POLR2B: variants seen among roughly 807,000 people sequenced by gnomAD.
POLR2B encodes RNA polymerase II subunit B.
POLR2B carries 57 observed loss-of-function variants against 144.6 expected under a neutral mutation model. The observed-to-expected ratio is 0.39, with a 90% CI of 0.32 to 0.49. The LOEUF (loss-of-function observed/expected upper bound fraction) is 0.49. Ranked by LOEUF, POLR2B falls within the 20% of genes least tolerant of loss-of-function variation. The probability of loss-of-function intolerance (pLI) is 0.83; values close to 1 mark genes in which losing one functional copy is unlikely to be tolerated. For synonymous variants in POLR2B, 442 were observed against 469.8 expected (o/e 0.94, Z 0.77); for missense variants, 595 against 1,467.4 (o/e 0.41, Z 9.71).
chr4:57,014,032 A>G (rs571733781), intron 13 of POLR2B, among the ~76,000 whole-genome samples: 23 of 151,940 alleles, frequency 1.5e-4, no homozygotes, highest in Non-Finnish European at 2.9e-4. Context: ...AAGGCAGTGC[A>G]TTTGAAAGAA....
At chr4:57,027,736 T>C (rs1367267595) in intron 23 of POLR2B, among the ~76,000 whole-genome samples, 1 of 152,260 alleles carries the variant, frequency 6.6e-6, no homozygotes, top group African/African-American at 2.4e-5. Flanking sequence ...CATTGGTTTG[T>C]CTTGTACTTC....
chr4:57,020,171 C>G lies in POLR2B; in HGVS notation c.2324-728C>G, dbSNP rs142777603. 4.2e-3 allele frequency among the ~76,000 whole-genome samples: 635 copies of G among 152,184 alleles called. 4 individuals carry two copies. The highest frequency in any genetic ancestry group is 6.0e-3 in the Non-Finnish European group (405 of 68,000). ...GTCTCAGCCTCCTGAGTAGCTGGGA[C>G]TGCAGGCGCGTGCCACCACGCCCAG... On this transcript the variant is annotated intron_variant, in intron 16 of 24. Transcript: ENST00000314595.
rs1723171966 is a variant in POLR2B at position 57,010,997 on chromosome 4, A to G, written c.1697A>G (p.Lys566Arg). ...TTGCTTTTTCATTGTAGTGCAACCA[A>G]GATTTTTGTTAATGGCTGCTGGGTT... ...ISPAAIADATKIFVNGCWVGI... is the reference protein window; with the variant it reads ...ISPAAIADATRIFVNGCWVGI... The change falls in exon 13 of 25, where the codon AAG (lysine) becomes AGG (arginine). Residue 566 changes from lysine to arginine, a missense_variant. By Grantham distance (26) the Lys-to-Arg change is conservative (BLOSUM62 2). Around this residue, in one of 9 missense-constraint regions of POLR2B, gnomAD observed 29 missense variants for 69.3 expected, o/e 0.42. Coordinates refer to ENST00000314595, the MANE Select transcript of POLR2B (RefSeq NM_000938.3). The G allele has an allele frequency of 6.2e-7, 1 of 1,613,824 alleles. No individual in the cohort carries two copies. Among genetic ancestry groups the G allele is most frequent in the Non-Finnish European group, 8.5e-7 (1 of 1,179,706 alleles).
intron 16 of POLR2B, among the ~76,000 whole-genome samples, chr4:57,020,236 G>C (rs1284157187): frequency 1.3e-5 from 2 of 152,070 alleles, no homozygotes; most frequent in African/African-American, 4.8e-5. Flanking sequence ...GTTTCACCAT[G>C]TTGGCCAGGA....
At chr4:57,005,188 C>T in intron 7 of POLR2B, 58 bp from the exon 8 acceptor site, 1 of 986,482 alleles carries the variant, frequency 1.0e-6, no homozygotes, top group Non-Finnish European at 1.4e-6. Context: ...TGACAGTTTA[C>T]TCATTTTAAG....
intron 10 of POLR2B, among the ~76,000 whole-genome samples, chr4:57,007,934 C>T (rs1434650144): frequency 6.6e-6 from 1 of 152,152 alleles, no homozygotes; most frequent in Non-Finnish European, 1.5e-5. Flanking sequence ...ATTTCAAGCT[C>T]CTTTTTCCTA....
At chr4:57,030,168 AAT>A in intron 23 of POLR2B, 34 bp from the exon 24 acceptor site, 2 of 1,533,628 alleles carry the variant, frequency 1.3e-6, no homozygotes, top group Non-Finnish European at 9.0e-7. Flanking sequence ...TATAATAAAA[AAT>A]AAGTACAAAG....
chr4:57,013,877 G>A (rs1723280242), intron 13 of POLR2B, among the ~76,000 whole-genome samples: 1 of 151,730 alleles, frequency 6.6e-6, no homozygotes, highest in African/African-American at 2.4e-5. Flanking sequence ...GCTGGCTGAG[G>A]TGGGAGGATC....
At chr4:56,987,137 A>C (rs1722360108) in intron 2 of POLR2B, among the ~76,000 whole-genome samples, 1 of 152,184 alleles carries the variant, frequency 6.6e-6, no homozygotes. Flanking sequence ...TCAGATGATT[A>C]CTTTTGGCAG....
At chr4:56,994,256 G>C (rs1722610883) in intron 3 of POLR2B, 148 bp from the exon 4 acceptor site, 1 of 584,248 alleles carries the variant, frequency 1.7e-6, no homozygotes, top group Non-Finnish European at 3.1e-6. Context: ...ATTGACTTTG[G>C]GAAGTCCCCA....
intron 9 of POLR2B, among the ~76,000 whole-genome samples, chr4:57,006,247 G>A (rs1251035454): frequency 1.3e-5 from 2 of 152,166 alleles, no homozygotes; most frequent in African/African-American, 4.8e-5. Flanking sequence ...TATTTAGTAT[G>A]TTATAGATTA....
chr4:56,983,189 A>G lies in POLR2B; in HGVS notation c.20-3165A>G, dbSNP rs148953113. ...TTCTTATTCCACTTCCAACTTCACA[A>G]TCTGTGCTTCCGCTACATTGGCCTT... On this transcript the variant is annotated intron_variant, in intron 1 of 24. Transcript: ENST00000314595. Among the ~76,000 whole-genome samples, 607 of 152,122 alleles carry G rather than the reference A, an allele frequency of 4.0e-3. 5 individuals are homozygous for G. Among genetic ancestry groups the G allele is most frequent in the South Asian group, 0.02 (97 of 4,812 alleles).
chr4:57,009,510 G>T (rs185368892), intron 10 of POLR2B: 3 of 152,382 alleles, frequency 2.0e-5, no homozygotes, highest in East Asian at 3.9e-4. Flanking sequence ...TAGATTGGAG[G>T]GAACCAGGCA....
chr4:56,983,368 G>GTTTTTTTT (rs11315195), intron 1 of POLR2B, among the ~76,000 whole-genome samples: 7 of 71,320 alleles, frequency 9.8e-5, no homozygotes, highest in Non-Finnish European at 1.6e-4. Context: ...CTCTGCTCAG[G>GTTTTTTTT]TTTTTTTTTT....
chr4:57,011,049 T>G lies in POLR2B; in HGVS notation c.1749T>G (p.Leu583=). 1 of 1,614,024 alleles carries G rather than the reference T, an allele frequency of 6.2e-7. No homozygotes were observed. Among genetic ancestry groups the G allele is most frequent in the Non-Finnish European group, 8.5e-7 (1 of 1,179,898 alleles). Residue 583 remains leucine (L), a synonymous_variant, in exon 13 of 25, where the codon CTT becomes CTG. Coordinates refer to ENST00000314595, the MANE Select transcript of POLR2B (RefSeq NM_000938.3). ...GAATACATAAAGATCCCGAACAACT[T>G]ATGAACACCCTAAGGAAATTGAGAC... ...WVGIHKDPEQ[L]MNTLRKLRRQ...
intron 16 of POLR2B, among the ~76,000 whole-genome samples, chr4:57,019,387 G>A (rs1178902373): frequency 7.3e-6 from 1 of 137,720 alleles, no homozygotes; most frequent in Non-Finnish European, 1.6e-5. Context: ...TTTTTTTTTT[G>A]TAGAGATAGG....
At chr4:56,986,717 C>T (rs1413628626) in intron 2 of POLR2B, 1 of 209,734 alleles carries the variant, frequency 4.8e-6, no homozygotes, top group East Asian at 1.2e-4. Flanking sequence ...TCATTTGACC[C>T]TGGGAGGTTG....
At chr4:56,986,626 A>G in intron 2 of POLR2B, 200 bp downstream of exon 2, 1 of 415,562 alleles carries the variant, frequency 2.4e-6, no homozygotes, top group Non-Finnish European at 4.2e-6. Flanking sequence ...CGAAAATGTT[A>G]CCCTGTACTA....
At chr4:56,979,255 T>G (rs1413002139) in intron 1 of POLR2B, among the ~76,000 whole-genome samples, 2 of 152,194 alleles carry the variant, frequency 1.3e-5, no homozygotes, top group Admixed American at 6.5e-5. Context: ...GATCTGATCC[T>G]CGTTTCCTGT....
Sources: gnomAD v4.1 joint callset for allele counts (sites outside exome capture counted in the v4.1 genomes callset) on GRCh38, gnomAD v4.1.1 for gene constraint, gnomAD v4.1.1 regional missense constraint, MANE v1.5 for transcripts, NCBI Gene and HGNC (gene_info 2026-07-23, HGNC 2026-07-21) for gene names.